Variants in PDSS2 observed in about 807,000 individuals in gnomAD.
PDSS2 encodes all trans-polyprenyl-diphosphate synthase PDSS2.
PDSS2 carries 31 observed loss-of-function variants against 44.5 expected under a neutral mutation model. The observed-to-expected ratio is 0.70, with a 90% CI of 0.52 to 0.94. PDSS2 has a LOEUF of 0.94. Among genes scored for constraint, PDSS2 ranks in the 40% least tolerant of loss-of-function variants. PDSS2 has a pLI of 0.00. For synonymous variants in PDSS2, 157 were observed against 180.3 expected (o/e 0.87, Z 1.03); for missense variants, 452 against 482.2 (o/e 0.94, Z 0.59).
intron 3 of PDSS2, among the ~76,000 whole-genome samples, chr6:107,255,467 C>T (rs1016169625): frequency 6.6e-6 from 1 of 152,086 alleles, no homozygotes; most frequent in African/African-American, 2.4e-5. Flanking sequence ...GCTGGGATTA[C>T]AGGCGTGAGC....
chr6:107,359,717 T>C (rs1317880417), intron 1 of PDSS2, among the ~76,000 whole-genome samples: 2 of 151,710 alleles, frequency 1.3e-5, no homozygotes, highest in Non-Finnish European at 2.9e-5. Flanking sequence ...TAAAATCACA[T>C]ATTCAATATC....
At chr6:107,225,137 TTATATATA>T (rs1554256031) in intron 4 of PDSS2, among the ~76,000 whole-genome samples, 3 of 62,396 alleles carry the variant, frequency 4.8e-5, no homozygotes, top group African/African-American at 1.9e-4. Context: ...ATATATATTT[TTATATATA>T]TATATATATA....
intron 7 of PDSS2, among the ~76,000 whole-genome samples, chr6:107,186,942 T>C (rs1000672380): frequency 1.3e-5 from 2 of 152,216 alleles, no homozygotes; most frequent in African/African-American, 4.8e-5. Context: ...GCTGAGTTTT[T>C]CAAATACTAT....
At chr6:107,316,220 T>G (rs1777193563) in intron 2 of PDSS2, among the ~76,000 whole-genome samples, 1 of 152,192 alleles carries the variant, frequency 6.6e-6, no homozygotes, top group African/African-American at 2.4e-5. Context: ...TACCCCCACA[T>G]GAATGAGGTA....
At chr6:107,251,057 T>C (rs900643122) in intron 3 of PDSS2, among the ~76,000 whole-genome samples, 8 of 152,298 alleles carry the variant, frequency 5.3e-5, no homozygotes, top group Middle Eastern at 3.4e-3. Flanking sequence ...GATTTCACCA[T>C]GTTGGCCAGA....
At chr6:107,450,159 G>A (rs1266843873) in intron 1 of PDSS2, among the ~76,000 whole-genome samples, 1 of 152,174 alleles carries the variant, frequency 6.6e-6, no homozygotes, top group African/African-American at 2.4e-5. Flanking sequence ...ATTCACCCAA[G>A]TTGTTGTATC....
intron 2 of PDSS2, among the ~76,000 whole-genome samples, chr6:107,317,923 C>T (rs191703273): frequency 3.4e-3 from 513 of 152,082 alleles, no homozygotes; most frequent in South Asian, 4.8e-3. Flanking sequence ...TCCAAAATGT[C>T]GAAGGAAAGC....
intron 1 of PDSS2, among the ~76,000 whole-genome samples, chr6:107,402,849 G>A (rs1780191626): frequency 6.6e-6 from 1 of 151,860 alleles, no homozygotes; most frequent in South Asian, 2.1e-4. Flanking sequence ...TCCCCACCAG[G>A]TCCCTCCCAC....
rs530456112 is a variant in PDSS2 at position 107,376,357 on chromosome 6, T to C, written c.297-42025A>G. Among the ~76,000 whole-genome samples the C allele has an allele frequency of 6.6e-5, 10 of 152,116 alleles. No homozygotes were observed. The South Asian group carries it at 2.1e-3, about 32-fold the overall frequency. On this transcript the variant is annotated intron_variant, in intron 1 of 7. Coordinates refer to ENST00000369037, the MANE Select transcript of PDSS2 (RefSeq NM_020381.4). Reference sequence around the variant, plus strand: ...AATCTATAAATTACCTTGGGCAGTATGGCCATTTTCACGATATTGATTCTT... The same window carrying C: ...AATCTATAAATTACCTTGGGCAGTACGGCCATTTTCACGATATTGATTCTT...
intron 2 of PDSS2, among the ~76,000 whole-genome samples, chr6:107,280,241 T>C (rs1180218490): frequency 1.3e-5 from 2 of 152,108 alleles, no homozygotes. Context: ...TTTGTATTTT[T>C]AGTAGAGACA....
chr6:107,428,909 C>T (rs1228974965), intron 1 of PDSS2, among the ~76,000 whole-genome samples: 1 of 152,152 alleles, frequency 6.6e-6, no homozygotes, highest in Non-Finnish European at 1.5e-5. Flanking sequence ...AACACTTATA[C>T]CTAAATTAGA....
intron 6 of PDSS2, among the ~76,000 whole-genome samples, chr6:107,205,400 C>T (rs1364229527): frequency 6.6e-6 from 1 of 152,176 alleles, no homozygotes; most frequent in Admixed American, 6.6e-5. Context: ...AGCTTGCTGA[C>T]CTGCAATAGC....
intron 4 of PDSS2, among the ~76,000 whole-genome samples, chr6:107,233,343 T>C (rs1582824039): frequency 6.6e-6 from 1 of 152,212 alleles, no homozygotes; most frequent in Non-Finnish European, 1.5e-5. Context: ...ATCAGATTCT[T>C]GAGGGCTGGC....
intron 7 of PDSS2, among the ~76,000 whole-genome samples, chr6:107,177,336 G>A (rs1243052317): frequency 6.6e-6 from 1 of 152,004 alleles, no homozygotes; most frequent in Non-Finnish European, 1.5e-5. Context: ...TTGCCATGTT[G>A]GTCAGGCTGG....
intron 6 of PDSS2, among the ~76,000 whole-genome samples, chr6:107,209,693 C>T (rs1235895367): frequency 1.3e-5 from 2 of 151,242 alleles, no homozygotes; most frequent in African/African-American, 2.4e-5. Context: ...GCTGGGATTA[C>T]AGGCATGAGC....
intron 3 of PDSS2, among the ~76,000 whole-genome samples, chr6:107,249,373 CA>C (rs964165397): frequency 1.3e-5 from 2 of 152,112 alleles, no homozygotes; most frequent in African/African-American, 4.8e-5. Flanking sequence ...AGTTCAACAA[CA>C]AAACCCAACC....
intron 7 of PDSS2, among the ~76,000 whole-genome samples, chr6:107,167,409 T>G (rs1215917066): frequency 6.6e-6 from 1 of 152,216 alleles, no homozygotes; most frequent in Non-Finnish European, 1.5e-5. Context: ...ATCAATTTTG[T>G]TGATCTTTTC....
At chr6:107,351,064 T>A (rs1361031315) in intron 1 of PDSS2, among the ~76,000 whole-genome samples, 3 of 151,388 alleles carry the variant, frequency 2.0e-5, no homozygotes, top group Non-Finnish European at 4.4e-5. Context: ...TCCACCACAT[T>A]AAAAGTAAAA....
At chr6:107,273,249 G>T (rs1008327500) in intron 3 of PDSS2, among the ~76,000 whole-genome samples, 3 of 152,014 alleles carry the variant, frequency 2.0e-5, no homozygotes, top group African/African-American at 7.2e-5. Context: ...CTCCCAAAGT[G>T]CTGGGATTAC....
Sources: gnomAD v4.1 joint callset for allele counts (sites outside exome capture counted in the v4.1 genomes callset) on GRCh38, gnomAD v4.1.1 for gene constraint, MANE v1.5 for transcripts, NCBI Gene and HGNC (gene_info 2026-07-23, HGNC 2026-07-21) for gene names.